LYN: variants seen among roughly 807,000 people sequenced by gnomAD.
LYN encodes LYN proto-oncogene, Src family tyrosine kinase.
Under a neutral mutation model 65.0 loss-of-function variants are expected in LYN, and 12 were observed. The observed-to-expected ratio is 0.18, with a 90% CI of 0.12 to 0.30. The LOEUF (loss-of-function observed/expected upper bound fraction) is 0.30. Among genes scored for constraint, LYN ranks in the 10% least tolerant of loss-of-function variants. The pLI, the probability that LYN is intolerant of heterozygous loss-of-function variation, is 1.00. For missense variants in LYN, 380 were observed against 623.2 expected (o/e 0.61, Z 4.16); for synonymous variants, 222 against 221.2 (o/e 1.00, Z -0.03).
chr8:55,885,382 C>T, intron 1 of LYN, among the ~76,000 whole-genome samples: 1 of 152,180 alleles, frequency 6.6e-6, no homozygotes, highest in East Asian at 1.9e-4. Flanking sequence ...ATATTGCCTG[C>T]CTGCCCACAC....
At chr8:55,994,317 G>A (rs1808318038) in intron 10 of LYN, among the ~76,000 whole-genome samples, 1 of 152,110 alleles carries the variant, frequency 6.6e-6, no homozygotes. Context: ...GGCTAATGCT[G>A]TTGTTTCTAA....
chr8:55,907,469 G>C (rs530312015), intron 1 of LYN, among the ~76,000 whole-genome samples: 1 of 152,212 alleles, frequency 6.6e-6, no homozygotes, highest in Non-Finnish European at 1.5e-5. Flanking sequence ...GAAGCTCTGT[G>C]TCTGGTTTTG....
In LYN at chr8:55,879,867, C is replaced by T. The variant is rs1804592835; in HGVS notation, c.-242C>T. 1 of 186,042 alleles carries T rather than the reference C, an allele frequency of 5.4e-6. No homozygotes were observed. The allele number at this position is 186,042 out of a possible 1,614,324, so 11.5% of individuals were successfully genotyped here. A position where few individuals can be genotyped will look rare whatever the true frequency, so the allele number is the denominator to read the frequency against. Reference sequence around the variant, plus strand: ...CTCCCGCCGCGCCGGGCCGCGCTGCCGCTCGCTCCCCGGCCGTGGCGCCTC... The same window carrying T: ...CTCCCGCCGCGCCGGGCCGCGCTGCTGCTCGCTCCCCGGCCGTGGCGCCTC... On this transcript the variant is annotated 5_prime_UTR_variant, in exon 1 of 13. Transcript: ENST00000519728.
At chr8:55,942,321 A>G (rs535484174) in intron 2 of LYN, among the ~76,000 whole-genome samples, 4 of 135,384 alleles carry the variant, frequency 3.0e-5, no homozygotes, top group Non-Finnish European at 6.3e-5. Flanking sequence ...GTATATATGT[A>G]TATATATGTG....
intron 1 of LYN, among the ~76,000 whole-genome samples, chr8:55,918,265 C>A (rs1045935485): frequency 6.6e-6 from 1 of 152,238 alleles, no homozygotes; most frequent in Admixed American, 6.5e-5. Flanking sequence ...CAGACCACCC[C>A]ATTCCTCCCT....
intron 10 of LYN, among the ~76,000 whole-genome samples, chr8:55,997,293 T>A (rs1410330765): frequency 6.6e-6 from 1 of 152,226 alleles, no homozygotes; most frequent in East Asian, 1.9e-4. Flanking sequence ...CCTTAATAAT[T>A]TATTTGTATT....
At chr8:55,976,082 T>C (rs975568393) in intron 10 of LYN, among the ~76,000 whole-genome samples, 1 of 152,104 alleles carries the variant, frequency 6.6e-6, no homozygotes, top group Admixed American at 6.5e-5. Context: ...TCATGGAAGC[T>C]TGCAGGGCTA....
At chr8:55,933,065 C>G (rs2130455096) in intron 1 of LYN, among the ~76,000 whole-genome samples, 1 of 152,298 alleles carries the variant, frequency 6.6e-6, no homozygotes, top group East Asian at 1.9e-4. Context: ...CAGCATCTTG[C>G]AACATACCCA....
intron 10 of LYN, among the ~76,000 whole-genome samples, chr8:55,972,950 G>C (rs748812732): frequency 2.6e-5 from 4 of 152,182 alleles, no homozygotes; most frequent in African/African-American, 9.7e-5. Context: ...TGTCAATAGC[G>C]TCAGAGTTGG....
intron 9 of LYN, among the ~76,000 whole-genome samples, chr8:55,967,168 C>A (rs1807482995): frequency 6.7e-6 from 1 of 150,044 alleles, no homozygotes; most frequent in Non-Finnish European, 1.5e-5. Context: ...TAGTAGCCCC[C>A]AATAAATATT....
rs1378600680 is a variant in LYN, at chr8:55,967,252, GAATTCT to G, written c.973+359_973+364del. Reference sequence around the variant, plus strand: ...ATGCTTAAAATGTGAAGAGTTCCCAGAATTCTAATACTACAGATTTAGTACGGATTG... The same window carrying G: ...ATGCTTAAAATGTGAAGAGTTCCCAGAATACTACAGATTTAGTACGGATTG... On this transcript the variant is annotated intron_variant, in intron 9 of 12. Transcript: ENST00000519728. 5.5e-5 allele frequency among the ~76,000 whole-genome samples: 8 copies of G among 145,792 alleles called. No individual in the cohort carries two copies. The East Asian group carries it at 1.4e-3, about 26-fold the overall frequency.
At chr8:55,885,084 A>AAG (rs1227155143) in intron 1 of LYN, among the ~76,000 whole-genome samples, 1 of 152,150 alleles carries the variant, frequency 6.6e-6, no homozygotes. Context: ...TCATCTTACA[A>AAG]AGGCTTCTTC....
At chr8:55,920,985 C>T (rs1156647587) in intron 1 of LYN, among the ~76,000 whole-genome samples, 1 of 152,148 alleles carries the variant, frequency 6.6e-6, no homozygotes, top group Non-Finnish European at 1.5e-5. Context: ...GCGTGAACCA[C>T]CGCACCCAGC....
rs1808815471 is a variant in LYN, at chr8:56,011,447, G to A, written c.*1337G>A. The A allele has an allele frequency of 4.9e-6, 1 of 205,946 alleles. No individual in the cohort carries two copies. The highest frequency in any genetic ancestry group is 9.9e-6 in the Non-Finnish European group (1 of 100,850). The allele number at this position is 205,946 out of a possible 1,614,324, so 12.8% of individuals were successfully genotyped here. ...CAGTGTAAAAATTGGTCATCAGCTGGGGGCGGGGTGGTTAGAAGTGATTCA... is the reference window on the plus strand; with the variant it reads ...CAGTGTAAAAATTGGTCATCAGCTGAGGGCGGGGTGGTTAGAAGTGATTCA... On this transcript the variant is annotated 3_prime_UTR_variant, in exon 13 of 13. Coordinates refer to ENST00000519728, the MANE Select transcript of LYN (RefSeq NM_002350.4).
chr8:56,007,741 C>A (rs1364776866), intron 12 of LYN, among the ~76,000 whole-genome samples: 2 of 152,194 alleles, frequency 1.3e-5, no homozygotes, highest in Non-Finnish European at 2.9e-5. Flanking sequence ...ATAAAGCAAA[C>A]GTTTCATAAA....
chr8:55,998,997 G>A (rs1026974657), intron 11 of LYN, among the ~76,000 whole-genome samples: 1 of 152,058 alleles, frequency 6.6e-6, no homozygotes, highest in African/African-American at 2.4e-5. Flanking sequence ...AACCAAAAAT[G>A]CACAGAGAGG....
Position 55,966,709 on chromosome 8 carries a change from T to C in LYN, c.791-6T>C. 1 of 1,611,228 alleles carries C rather than the reference T, an allele frequency of 6.2e-7. No homozygotes were observed. The highest frequency in any genetic ancestry group is 8.5e-7 in the Non-Finnish European group (1 of 1,178,820). ...AAAGCATGCCCGCCTTCTTTTTTCTTCCTAGGTTACTATAACAACAGTACC... is the reference window on the plus strand; with the variant it reads ...AAAGCATGCCCGCCTTCTTTTTTCTCCCTAGGTTACTATAACAACAGTACC... On this transcript the variant is annotated splice_polypyrimidine_tract_variant and splice_region_variant and intron_variant, in intron 8 of 12. Transcript: ENST00000519728.
At chr8:55,994,376 A>C (rs2130575675) in intron 10 of LYN, among the ~76,000 whole-genome samples, 1 of 152,294 alleles carries the variant, frequency 6.6e-6, no homozygotes, top group South Asian at 2.1e-4. Context: ...TGAGCTCCTT[A>C]AAGCACTCTG....
intron 10 of LYN, among the ~76,000 whole-genome samples, chr8:55,991,463 T>TA (rs1808247205): frequency 6.6e-6 from 1 of 152,222 alleles, no homozygotes; most frequent in Admixed American, 6.5e-5. Context: ...AAGGCCACTC[T>TA]AGATGACTGG....
Sources: gnomAD v4.1 joint callset for allele counts (sites outside exome capture counted in the v4.1 genomes callset) on GRCh38, gnomAD v4.1.1 for gene constraint, MANE v1.5 for transcripts, NCBI Gene and HGNC (gene_info 2026-07-23, HGNC 2026-07-21) for gene names.